EMP2: variants seen among roughly 807,000 people sequenced by gnomAD.
The protein encoded by EMP2 is epithelial membrane protein 2.
Under a neutral mutation model 13.7 loss-of-function variants are expected in EMP2, and 19 were observed. The ratio of observed to expected loss-of-function variants is 1.38; its 90% CI spans 0.97 to 2.03. The LOEUF is 2.03. Among genes scored for constraint, EMP2 ranks in the 30% most tolerant of loss-of-function variants. EMP2 has a pLI of 0.00. For missense variants in EMP2, 253 were observed against 220.7 expected (o/e 1.15, Z -0.93); for synonymous variants, 97 against 84.7 (o/e 1.15, Z -0.80).
intron 3 of EMP2, among the ~76,000 whole-genome samples, chr16:10,539,117 C>T (rs965369892): frequency 1.3e-5 from 2 of 152,038 alleles, no homozygotes; most frequent in Admixed American, 1.3e-4. Flanking sequence ...TTGGAGGGTG[C>T]AGGCAAGGTG....
At chr16:10,559,358 T>A (rs2050856115) in intron 1 of EMP2, among the ~76,000 whole-genome samples, 1 of 152,230 alleles carries the variant, frequency 6.6e-6, no homozygotes, top group Admixed American at 6.5e-5. Context: ...GAAGCCCATT[T>A]ACCCTGGGCC....
At position 10,529,654 on chromosome 16, in the gene EMP2, G is replaced by A; in HGVS notation, c.*3251C>T. On this transcript the variant is annotated 3_prime_UTR_variant, in exon 5 of 5. Transcript: ENST00000359543. ...ACTACCAGAAAATTATAGAAGGCCA[G>A]ACGCAGTGGCTCATGCCTGTAATCC... 6.6e-6 allele frequency: 1 copy of A among 152,230 alleles called. No homozygotes were observed. Among genetic ancestry groups the A allele is most frequent in the East Asian group, 1.9e-4 (1 of 5,212 alleles). The allele number at this position is 152,230 out of a possible 1,614,324, so 9.4% of individuals were successfully genotyped here.
intron 3 of EMP2, among the ~76,000 whole-genome samples, chr16:10,542,279 T>TG (rs2050706023): frequency 6.6e-6 from 1 of 151,994 alleles, no homozygotes; most frequent in Non-Finnish European, 1.5e-5. Context: ...GTGCCTGTAG[T>TG]CCCAGCTACT....
chr16:10,552,020 T>C (rs1399636946), intron 1 of EMP2, among the ~76,000 whole-genome samples: 1 of 152,088 alleles, frequency 6.6e-6, no homozygotes, highest in Non-Finnish European at 1.5e-5. Flanking sequence ...AGCTTGGAGA[T>C]TCTTCTAATT....
intron 4 of EMP2, among the ~76,000 whole-genome samples, chr16:10,535,837 C>T (rs1596367721): frequency 6.6e-6 from 1 of 152,206 alleles, no homozygotes; most frequent in African/African-American, 2.4e-5. Context: ...TCCTGACTAC[C>T]TCGCCCAGGG....
chr16:10,550,436 A>G (rs998939343), intron 1 of EMP2, among the ~76,000 whole-genome samples: 3 of 152,134 alleles, frequency 2.0e-5, no homozygotes, highest in African/African-American at 7.2e-5. Flanking sequence ...TAACATTGAT[A>G]TTATTTAAGA....
chr16:10,548,661 A>C (rs1352785454), intron 1 of EMP2, among the ~76,000 whole-genome samples: 1 of 152,068 alleles, frequency 6.6e-6, no homozygotes, highest in Non-Finnish European at 1.5e-5. Context: ...ATCACTGCAC[A>C]CTAGCCTGGG....
intron 1 of EMP2, among the ~76,000 whole-genome samples, chr16:10,562,336 T>TTCTCTCTCTCTCTCTCTCTCTCTCTCTC (rs540802206): frequency 1.7e-4 from 21 of 124,204 alleles, no homozygotes; most frequent in East Asian, 5.1e-4. Flanking sequence ...CTCATGCATG[T>TTCTCTCTCTCTCTCTCTCTCTCTCTCTC]TCTCTCTCTC....
chr16:10,552,120 T>C (rs1388838182), intron 1 of EMP2, among the ~76,000 whole-genome samples: 2 of 89,926 alleles, frequency 2.2e-5, no homozygotes, highest in African/African-American at 4.7e-5. Flanking sequence ...ATGCATTCCC[T>C]TTTTTTTTTT....
rs74007148 is a variant in EMP2, at chr16:10,532,807, C to T, written c.*98G>A. ...TTTTTGGCTTTTAAAGGAAACAATA[C>T]GTTTGCTAGAAAAACCTCAAAAAAT... On this transcript the variant is annotated 3_prime_UTR_variant, in exon 5 of 5. Transcript: ENST00000359543. 6,382 of 203,584 alleles carry T rather than the reference C, an allele frequency of 0.031. 73 individuals are homozygous for T. Among genetic ancestry groups the T allele is most frequent in the Middle Eastern group, 0.095 (42 of 442 alleles). The allele number at this position is 203,584 out of a possible 1,614,324, so 12.6% of individuals were successfully genotyped here. A position where few individuals can be genotyped will look rare whatever the true frequency, so the allele number is the denominator to read the frequency against.
At chr16:10,537,799 C>G in intron 4 of EMP2, 129 bp downstream of exon 4, 1 of 1,204,012 alleles carries the variant, frequency 8.3e-7, no homozygotes. Flanking sequence ...CACACCGGCA[C>G]ACAGCACCGC....
At chr16:10,543,465 A>G (rs953313723) in intron 3 of EMP2, 105 bp downstream of exon 3, 4 of 1,283,686 alleles carry the variant, frequency 3.1e-6, no homozygotes, top group African/African-American at 1.5e-5. Context: ...CGGAGTATGC[A>G]GTGAGTGGAG....
intron 1 of EMP2, among the ~76,000 whole-genome samples, chr16:10,569,718 A>T (rs537140788): frequency 1.3e-5 from 2 of 152,334 alleles, no homozygotes; most frequent in African/African-American, 4.8e-5. Flanking sequence ...CGAGCATAAT[A>T]CAGTCTTTAA....
intron 1 of EMP2, among the ~76,000 whole-genome samples, chr16:10,551,102 A>G (rs7205127): frequency 0.13 from 20,033 of 152,132 alleles, 4,486 homozygotes; most frequent in African/African-American, 0.46. Context: ...AGAACGTTTC[A>G]TCACCCCCAA....
At chr16:10,573,574 A>G (rs2142212430) in intron 1 of EMP2, among the ~76,000 whole-genome samples, 1 of 152,050 alleles carries the variant, frequency 6.6e-6, no homozygotes, top group East Asian at 1.9e-4. Context: ...CCATCCTCAC[A>G]CCTGCACAAC....
chr16:10,548,471 T>C (rs532786770), intron 1 of EMP2, among the ~76,000 whole-genome samples: 3 of 152,168 alleles, frequency 2.0e-5, no homozygotes, highest in Non-Finnish European at 4.4e-5. Flanking sequence ...CAAGAGGATG[T>C]TAATTAAGCC....
At chr16:10,570,913 A>G (rs2050942462) in intron 1 of EMP2, among the ~76,000 whole-genome samples, 1 of 152,018 alleles carries the variant, frequency 6.6e-6, no homozygotes, top group African/African-American at 2.4e-5. Context: ...GTGGAAGAAG[A>G]AGAAGGGCGA....
In EMP2 at chr16:10,538,030, T is replaced by C. The variant is rs764590079; in HGVS notation, c.214A>G (p.Thr72Ala). ...AAGAAGGCGATGCAGCAGAGAATGGTGGAGAGGATCATGGTGGCCTGGACC... is the reference window on the plus strand; with the variant it reads ...AAGAAGGCGATGCAGCAGAGAATGGCGGAGAGGATCATGGTGGCCTGGACC... ...QAVQATMILS[T>A]ILCCIAFFIF... The change falls in exon 4 of 5, where the codon ACC (threonine) becomes GCC (alanine). Residue 72 changes from threonine to alanine, a missense_variant. Transcript: ENST00000359543. 1.9e-6 allele frequency: 3 copies of C among 1,613,800 alleles called. No individual in the cohort carries two copies. Among genetic ancestry groups the C allele is most frequent in the Non-Finnish European group, 2.5e-6 (3 of 1,179,918 alleles).
chr16:10,572,514 A>C (rs533160746), intron 1 of EMP2, among the ~76,000 whole-genome samples: 1 of 152,192 alleles, frequency 6.6e-6, no homozygotes, highest in Non-Finnish European at 1.5e-5. Context: ...TGCTAGATAA[A>C]TTCCATTACA....
Sources: allele counts gnomAD v4.1 joint callset (sites outside exome capture counted in the v4.1 genomes callset), GRCh38; gene constraint gnomAD v4.1.1; transcripts MANE v1.5; gene names NCBI Gene and HGNC (gene_info 2026-07-23, HGNC 2026-07-21).